GRM7: variants seen among roughly 807,000 people sequenced by gnomAD.
The protein encoded by GRM7 is glutamate metabotropic receptor 7.
Under a neutral mutation model 84.5 loss-of-function variants are expected in GRM7, and 35 were observed. The ratio of observed to expected loss-of-function variants is 0.41; its 90% CI spans 0.32 to 0.55. The LOEUF (loss-of-function observed/expected upper bound fraction) is 0.55. Ranked by LOEUF, GRM7 falls within the 20% of genes least tolerant of loss-of-function variation. The pLI, the probability that GRM7 is intolerant of heterozygous loss-of-function variation, is 0.19. For missense variants in GRM7, 1,003 were observed against 1,194.6 expected, an observed-to-expected ratio of 0.84 and a Z score of 2.36; for synonymous variants, 487 against 455.1, an observed-to-expected ratio of 1.07 and a Z score of -0.89.
At chr3:7,550,408 CT>C (rs1693394830) in intron 7 of GRM7, among the ~76,000 whole-genome samples, 1 of 142,100 alleles carries the variant, frequency 7.0e-6, no homozygotes, top group Non-Finnish European at 1.5e-5. Flanking sequence ...TTTCTTTTCT[CT>C]CTCTCTCCCT....
At chr3:7,581,678 T>C (rs2125055598) in intron 8 of GRM7, among the ~76,000 whole-genome samples, 1 of 152,302 alleles carries the variant, frequency 6.6e-6, no homozygotes, top group South Asian at 2.1e-4. Flanking sequence ...ACAAACAGTT[T>C]AAGTGTTTTA....
chr3:6,893,839 C>T (rs926678068), intron 1 of GRM7: 1 of 152,164 alleles, frequency 6.6e-6, no homozygotes, highest in Non-Finnish European at 1.5e-5. Context: ...TTTATCCCCA[C>T]ATCCTGAAAA....
At chr3:7,383,137 G>T (rs935910629) in intron 4 of GRM7, among the ~76,000 whole-genome samples, 1 of 152,204 alleles carries the variant, frequency 6.6e-6, no homozygotes, top group South Asian at 2.1e-4. Context: ...CATTGATCCT[G>T]CAGGAAATAT....
At chr3:7,233,899 C>A (rs1446069414) in intron 2 of GRM7, among the ~76,000 whole-genome samples, 1 of 152,078 alleles carries the variant, frequency 6.6e-6, no homozygotes, top group Non-Finnish European at 1.5e-5. Context: ...AGAGTGGCAA[C>A]CTAGGCTTTT....
chr3:7,481,956 A>T (rs914934857), intron 7 of GRM7, among the ~76,000 whole-genome samples: 1 of 152,188 alleles, frequency 6.6e-6, no homozygotes, highest in African/African-American at 2.4e-5. Flanking sequence ...TGGGAGGCTG[A>T]GGCGAGTGGA....
intron 9 of GRM7, among the ~76,000 whole-genome samples, chr3:7,706,086 A>T (rs1255425519): frequency 6.6e-6 from 1 of 152,184 alleles, no homozygotes; most frequent in African/African-American, 2.4e-5. Flanking sequence ...ATTCCACTTC[A>T]CCACCCATAA....
At chr3:7,529,700 A>G (rs961256542) in intron 7 of GRM7, among the ~76,000 whole-genome samples, 10 of 151,874 alleles carry the variant, frequency 6.6e-5, no homozygotes, top group African/African-American at 1.9e-4. Flanking sequence ...CTGCCTTAAG[A>G]TATTGTTTTT....
chr3:7,574,374 G>T (rs1230882828), intron 7 of GRM7, among the ~76,000 whole-genome samples: 1 of 152,026 alleles, frequency 6.6e-6, no homozygotes, highest in Non-Finnish European at 1.5e-5. Context: ...TGGCCAGGCT[G>T]GTCTTGAATT....
intron 2 of GRM7, among the ~76,000 whole-genome samples, chr3:7,149,768 A>G (rs748633084): frequency 1.3e-5 from 2 of 152,200 alleles, no homozygotes; most frequent in Non-Finnish European, 2.9e-5. Context: ...TTTCTGCTTC[A>G]CCAGATTGGT....
intron 1 of GRM7, among the ~76,000 whole-genome samples, chr3:7,049,647 G>A (rs542166426): frequency 2.3e-4 from 35 of 151,982 alleles, no homozygotes; most frequent in Admixed American, 1.3e-3. Context: ...TGAGAAAAGC[G>A]TTCGTGAGGA....
At chr3:6,877,684 G>A (rs1038292442) in intron 1 of GRM7, among the ~76,000 whole-genome samples, 1 of 152,004 alleles carries the variant, frequency 6.6e-6, no homozygotes, top group African/African-American at 2.4e-5. Context: ...AATGGTGTTC[G>A]TTTATAATTC....
chr3:6,933,028 T>G (rs1279107738), intron 1 of GRM7, among the ~76,000 whole-genome samples: 2 of 152,176 alleles, frequency 1.3e-5, no homozygotes, highest in Non-Finnish European at 2.9e-5. Flanking sequence ...GTGCTGGGAT[T>G]GCAGGCATGA....
rs150058187 is a variant in GRM7 at position 7,300,549 on chromosome 3, G to A, written c.878+1724G>A. Reference sequence around the variant, plus strand: ...TTCGGAGTTCTTTTTCGGGAGATCTGGCTGTTTCACCTTTCTAGTCTTATT... The same window carrying A: ...TTCGGAGTTCTTTTTCGGGAGATCTAGCTGTTTCACCTTTCTAGTCTTATT... On this transcript the variant is annotated intron_variant, in intron 3 of 9. Coordinates refer to ENST00000357716, the MANE Select transcript of GRM7 (RefSeq NM_000844.4). Among the ~76,000 whole-genome samples the A allele has an allele frequency of 4.7e-3, 708 of 152,156 alleles. 5 individuals carry two copies. Among genetic ancestry groups the A allele is most frequent in the African/African-American group, 0.016 (683 of 41,510 alleles).
chr3:7,278,775 C>A (rs1290613936), intron 2 of GRM7, among the ~76,000 whole-genome samples: 1 of 152,132 alleles, frequency 6.6e-6, no homozygotes, highest in Non-Finnish European at 1.5e-5. Flanking sequence ...CATTAAAAGA[C>A]CTGAGTTCTA....
At chr3:7,661,611 G>A (rs1031886510) in intron 8 of GRM7, among the ~76,000 whole-genome samples, 3 of 151,658 alleles carry the variant, frequency 2.0e-5, no homozygotes, top group African/African-American at 7.3e-5. Flanking sequence ...TGGCTTACAC[G>A]GTGAAACCCC....
chr3:7,210,094 T>A (rs1432672723), intron 2 of GRM7, among the ~76,000 whole-genome samples: 1 of 152,202 alleles, frequency 6.6e-6, no homozygotes, highest in African/African-American at 2.4e-5. Context: ...CATCAGCTGT[T>A]CACAGTTCAA....
intron 1 of GRM7, among the ~76,000 whole-genome samples, chr3:7,015,740 G>T (rs768239186): frequency 1.3e-5 from 2 of 152,172 alleles, no homozygotes; most frequent in Non-Finnish European, 2.9e-5. Context: ...CCTGCCAGCT[G>T]TTCTTTGACA....
At chr3:7,287,647 T>G (rs2125005469) in intron 2 of GRM7, among the ~76,000 whole-genome samples, 1 of 152,284 alleles carries the variant, frequency 6.6e-6, no homozygotes, top group African/African-American at 2.4e-5. Flanking sequence ...GACACATTTT[T>G]TTAAGCCACT....
chr3:7,633,420 T>G (rs1697940955), intron 8 of GRM7, among the ~76,000 whole-genome samples: 1 of 152,138 alleles, frequency 6.6e-6, no homozygotes. Flanking sequence ...AACTTTTTTT[T>G]CCAGAGTCTG....
Sources: allele counts gnomAD v4.1 joint callset (sites outside exome capture counted in the v4.1 genomes callset), GRCh38; gene constraint gnomAD v4.1.1; transcripts MANE v1.5; gene names NCBI Gene and HGNC (gene_info 2026-07-23, HGNC 2026-07-21).